Variants in CRELD1 observed in about 807,000 individuals in gnomAD.
CRELD1 encodes the protein CRELD disulfide isomerase 1.
CRELD1 carries 42 observed loss-of-function variants against 58.2 expected under a neutral mutation model. That is an observed-to-expected ratio of 0.72 (90% CI 0.56 to 0.93). The LOEUF is 0.93. CRELD1 is among the 40% of genes least tolerant of loss of function. The probability of loss-of-function intolerance (pLI) is 0.00; values close to 1 mark genes in which losing one functional copy is unlikely to be tolerated. For synonymous variants in CRELD1, 222 were observed against 202.0 expected (o/e 1.10, Z -0.84); for missense variants, 500 against 540.6 (o/e 0.92, Z 0.74).
At position 9,938,091 on chromosome 3, in the gene CRELD1, G is replaced by A. The variant is rs747855475; in HGVS notation, c.445G>A (p.Gly149Arg). The A allele has an allele frequency of 3.7e-6, 6 of 1,613,438 alleles. No homozygotes were observed. The African/African-American group carries it at 4.0e-5, about 11-fold the overall frequency. ...LKLCCPAGTF[G>R]PSCLPCPGGT... ...GCTCTGCTGCCCCGCAGGCACCTTC[G>A]GGCCCTCCTGCCTTCGTGAGTTTTT... Residue 149 changes from glycine (G) to arginine (R), a missense_variant, in exon 5 of 11, where the codon GGG (glycine) becomes AGG (arginine). By Grantham distance (125) the Gly-to-Arg change is moderately radical. Coordinates refer to ENST00000452070, the MANE Select transcript of CRELD1 (RefSeq NM_001077415.3).
chr3:9,936,473 GTGTGTGTGTATATATATA>G lies in CRELD1; in HGVS notation c.258-1071_258-1054del, dbSNP rs1210234146. On this transcript the variant is annotated intron_variant, in intron 3 of 10. Coordinates refer to ENST00000452070, the MANE Select transcript of CRELD1 (RefSeq NM_001077415.3). Reference sequence around the variant, plus strand: ...TATTTATATATGTGTGTATATATATGTGTGTGTGTATATATATATGTGTGTGTATATATATGTGCATAT... The same window carrying G: ...TATTTATATATGTGTGTATATATATGTGTGTGTGTATATATATGTGCATAT... Among the ~76,000 whole-genome samples, 8 of 151,576 alleles carry G rather than the reference GTGTGTGTGTATATATATA, an allele frequency of 5.3e-5. No homozygotes were observed. In the South Asian group the frequency reaches 1.0e-3, roughly 20 times the overall value.
Position 9,944,799 on chromosome 3 carries a change from G to C in CRELD1, c.*220G>C. On this transcript the variant is annotated 3_prime_UTR_variant, in exon 11 of 11. Transcript: ENST00000452070. Reference sequence around the variant, plus strand: ...GGATACCATGAGCTCTTCACCTGGCGGGGACTGGCAGGCTTCACAATGTGT... The same window carrying C: ...GGATACCATGAGCTCTTCACCTGGCCGGGACTGGCAGGCTTCACAATGTGT... The C allele has an allele frequency of 1.7e-6, 1 of 590,378 alleles. No individual in the cohort carries two copies. 36.6% of individuals were successfully genotyped at this position (590,378 alleles called of 1,614,324 possible).
In CRELD1 at chr3:9,944,759, A is replaced by C. The variant is rs559014512; in HGVS notation, c.*180A>C. 4.7e-5 allele frequency: 30 copies of C among 643,022 alleles called. No individual in the cohort carries two copies. The highest frequency in any genetic ancestry group is 8.3e-5 in the Non-Finnish European group (30 of 359,662). 39.8% of individuals were successfully genotyped at this position (643,022 alleles called of 1,614,324 possible). Reference sequence around the variant, plus strand: ...GGCAGACAAGGCCCCTGGGGTAAAAAGTAGCCCTGAAGGTGGATACCATGA... The same window carrying C: ...GGCAGACAAGGCCCCTGGGGTAAAACGTAGCCCTGAAGGTGGATACCATGA... On this transcript the variant is annotated 3_prime_UTR_variant, in exon 11 of 11. Coordinates refer to ENST00000452070, the MANE Select transcript of CRELD1 (RefSeq NM_001077415.3).
intron 10 of CRELD1, chr3:9,944,138 G>C (rs752951878): frequency 1.3e-6 from 1 of 788,120 alleles, no homozygotes; most frequent in Non-Finnish European, 2.3e-6. Flanking sequence ...ACATGGCCTT[G>C]GCAAGTCCAA....
chr3:9,934,518 T>C lies in CRELD1; in HGVS notation c.80T>C (p.Ile27Thr), dbSNP rs1350862535. The C allele has an allele frequency of 1.9e-6, 3 of 1,613,856 alleles. No individual in the cohort carries two copies. Among genetic ancestry groups the C allele is most frequent in the Non-Finnish European group, 1.7e-6 (2 of 1,179,956 alleles). The change falls in exon 2 of 11, where the codon ATC becomes ACC. Residue 27 changes from isoleucine to threonine, a missense_variant. Ile to Thr is a moderately conservative substitution (Grantham distance 89). Coordinates refer to ENST00000452070, the MANE Select transcript of CRELD1 (RefSeq NM_001077415.3). ...CTCTTCCTCAACCTCCCAGGACCTA[T>C]CTGGCTCCAGCCCTCTCCACCTCCC... ...LSLFLNLPGP[I>T]WLQPSPPPQS...
Position 9,945,317 on chromosome 3 carries a change from AATTAAATGAGGT to A in CRELD1, c.*739_*750del, listed in dbSNP as rs1198965769. On this transcript the variant is annotated 3_prime_UTR_variant, in exon 11 of 11. Coordinates refer to ENST00000452070, the MANE Select transcript of CRELD1 (RefSeq NM_001077415.3). The stretch of plus-strand genomic sequence containing the variant: ...GCTTTCCACTCAGGCTTAACATGAG[AATTAAATGAGGT>A]GACAAATGTGAAGACCTGGACAGTA... 6.4e-6 allele frequency: 1 copy of A among 155,136 alleles called. No homozygotes were observed. Among genetic ancestry groups the A allele is most frequent in the African/African-American group, 2.4e-5 (1 of 41,458 alleles). The allele number at this position is 155,136 out of a possible 1,614,324, so 9.6% of individuals were successfully genotyped here.
intron 4 of CRELD1, 148 bp from the exon 5 acceptor site, chr3:9,937,866 TG>T: frequency 1.3e-6 from 1 of 748,468 alleles, no homozygotes. Flanking sequence ...TTCTGCCAAA[TG>T]GGGAAAGGGC....
In CRELD1 at chr3:9,943,453, G is replaced by C. The variant is rs772336477; in HGVS notation, c.986G>C (p.Arg329Pro). 2 of 1,614,024 alleles carry C rather than the reference G, an allele frequency of 1.2e-6. No individual in the cohort carries two copies. Among genetic ancestry groups the C allele is most frequent in the Admixed American group, 3.3e-5 (2 of 60,022 alleles). Residue 329 changes from arginine (R) to proline (P), a missense_variant, in exon 10 of 11, where the codon CGC (arginine) becomes CCC (proline). Arg to Pro is a moderately radical substitution (Grantham distance 103). Coordinates refer to ENST00000452070, the MANE Select transcript of CRELD1 (RefSeq NM_001077415.3). ...TGTGAAAACACCGAGGGCGGTTATC[G>C]CTGCATCTGTGCCGAGGGCTACAAG... ...KQCENTEGGY[R>P]CICAEGYKQM...
chr3:9,938,986 C>A (rs570511156), intron 5 of CRELD1, among the ~76,000 whole-genome samples: 1 of 151,700 alleles, frequency 6.6e-6, no homozygotes, highest in African/African-American at 2.4e-5. Context: ...TAGAGCAAGA[C>A]CCTGTCTCTT....
chr3:9,944,553 C>T lies in CRELD1; in HGVS notation c.1237C>T (p.Leu413=). Residue 413 remains leucine (L), a synonymous_variant, in exon 11 of 11, where the codon CTG becomes TTG. Transcript: ENST00000452070. ...YWLSERSDRV[L]EGFIKGR ...GTTGTCAGAGCGCAGTGACCGTGTG[C>T]TGGAGGGCTTCATCAAGGGCAGATA... 10 of 1,609,656 alleles carry T rather than the reference C, an allele frequency of 6.2e-6. No homozygotes were observed. Among genetic ancestry groups the T allele is most frequent in the Non-Finnish European group, 8.5e-6 (10 of 1,179,894 alleles).
rs1354363365 is a variant in CRELD1 at position 9,944,955 on chromosome 3, T to C, written c.*376T>C. Reference sequence around the variant, plus strand: ...CTGCATGCTGCCAGTTCCTGTTCTGTGTTCACCACATCCCCACACCCCATT... The same window carrying C: ...CTGCATGCTGCCAGTTCCTGTTCTGCGTTCACCACATCCCCACACCCCATT... On this transcript the variant is annotated 3_prime_UTR_variant, in exon 11 of 11. Coordinates refer to ENST00000452070, the MANE Select transcript of CRELD1 (RefSeq NM_001077415.3). 1 of 343,264 alleles carries C rather than the reference T, an allele frequency of 2.9e-6. No individual in the cohort carries two copies. The highest frequency in any genetic ancestry group is 5.6e-6 in the Non-Finnish European group (1 of 177,196). 21.3% of individuals were successfully genotyped at this position (343,264 alleles called of 1,614,324 possible). A position where few individuals can be genotyped will look rare whatever the true frequency, so the allele number is the denominator to read the frequency against.
intron 3 of CRELD1, chr3:9,935,831 T>TC: frequency 6.6e-6 from 1 of 151,922 alleles, no homozygotes; most frequent in Non-Finnish European, 1.5e-5. Context: ...GGCTGAAATG[T>TC]CCATTAGACA....
At chr3:9,936,479 GTGTA>G (rs2085196237) in intron 3 of CRELD1, among the ~76,000 whole-genome samples, 1 of 151,586 alleles carries the variant, frequency 6.6e-6, no homozygotes, top group Non-Finnish European at 1.5e-5. Context: ...ATATGTGTGT[GTGTA>G]TATATATATG....
intron 5 of CRELD1, among the ~76,000 whole-genome samples, chr3:9,939,649 A>G (rs1005355011): frequency 1.6e-4 from 25 of 152,186 alleles, no homozygotes; most frequent in Non-Finnish European, 3.1e-4. Context: ...AGGGTTGGGG[A>G]TAAGGTCATA....
chr3:9,938,084 C>T lies in CRELD1; in HGVS notation c.438C>T (p.Gly146=). The change falls in exon 5 of 11, where the codon GGC becomes GGT. Residue 146 remains glycine (G), a synonymous_variant. Coordinates refer to ENST00000452070, the MANE Select transcript of CRELD1 (RefSeq NM_001077415.3). ...CCCTGAAGCTCTGCTGCCCCGCAGG[C>T]ACCTTCGGGCCCTCCTGCCTTCGTG... The part of the protein sequence containing the change: ...SDSLKLCCPA[G]TFGPSCLPCP... 1 of 1,613,870 alleles carries T rather than the reference C, an allele frequency of 6.2e-7. No individual in the cohort carries two copies. The highest frequency in any genetic ancestry group is 8.5e-7 in the Non-Finnish European group (1 of 1,179,942).
chr3:9,941,673 C>T (rs903596531), intron 7 of CRELD1, among the ~76,000 whole-genome samples: 4 of 151,302 alleles, frequency 2.6e-5, no homozygotes, highest in Admixed American at 2.6e-4. Flanking sequence ...GCCTGTAGTC[C>T]CAGCTACTCA....
At chr3:9,935,217 C>T in intron 3 of CRELD1, 1 of 352,848 alleles carries the variant, frequency 2.8e-6, no homozygotes, top group Non-Finnish European at 5.4e-6. Flanking sequence ...GGCATTTGAA[C>T]AGAGAGACAG....
intron 5 of CRELD1, 130 bp from the exon 6 acceptor site, chr3:9,940,720 G>A (rs2085338170): frequency 7.9e-6 from 5 of 629,724 alleles, no homozygotes; most frequent in Non-Finnish European, 1.1e-5. Context: ...GAGGGAGAGG[G>A]AAAGGGGGAG....
chr3:9,944,138 G>A (rs752951878), intron 10 of CRELD1: 5 of 788,002 alleles, frequency 6.3e-6, no homozygotes, highest in Admixed American at 5.1e-5. Context: ...ACATGGCCTT[G>A]GCAAGTCCAA....
Sources: gnomAD v4.1 joint callset for allele counts (sites outside exome capture counted in the v4.1 genomes callset) on GRCh38, gnomAD v4.1.1 for gene constraint, MANE v1.5 for transcripts, NCBI Gene and HGNC (gene_info 2026-07-23, HGNC 2026-07-21) for gene names.